CASQ2: variants seen among roughly 807,000 people sequenced by gnomAD.
CASQ2 encodes calsequestrin-2.
In CASQ2, 49 loss-of-function variants were observed where a neutral mutation model predicts 46.5. The observed-to-expected ratio is 1.05, with a 90% CI of 0.84 to 1.34. CASQ2 has a LOEUF of 1.34. Among genes scored for constraint, CASQ2 ranks in the 40% most tolerant of loss-of-function variants. The pLI, the probability that CASQ2 is intolerant of heterozygous loss-of-function variation, is 0.00. For synonymous variants in CASQ2, 174 were observed against 168.5 expected, an observed-to-expected ratio of 1.03 and a Z score of -0.25; for missense variants, 486 against 481.3, an observed-to-expected ratio of 1.01 and a Z score of -0.09.
In CASQ2 at chr1:115,701,088, C is replaced by G. The variant is rs1257824366; in HGVS notation, c.*153G>C. On this transcript the variant is annotated 3_prime_UTR_variant, in exon 11 of 11. Transcript: ENST00000261448. ...TTGAAAAGGCATTTGCTGAATGATG[C>G]TGCTCCTGACGCAAAGGGAGTGGGA... 9 of 1,156,026 alleles carry G rather than the reference C, an allele frequency of 7.8e-6. No individual in the cohort carries two copies. In the African/African-American group the frequency reaches 1.4e-4, roughly 17 times the overall value. The allele number at this position is 1,156,026 out of a possible 1,614,324, so 71.6% of individuals were successfully genotyped here.
At chr1:115,764,433 T>C (rs1355310246) in intron 1 of CASQ2, among the ~76,000 whole-genome samples, 3 of 152,208 alleles carry the variant, frequency 2.0e-5, no homozygotes, top group Non-Finnish European at 4.4e-5. Context: ...TACCAGAACA[T>C]TATCCATGTT....
At chr1:115,728,487 G>A (rs1647671649) in intron 5 of CASQ2, among the ~76,000 whole-genome samples, 1 of 152,158 alleles carries the variant, frequency 6.6e-6, no homozygotes, top group South Asian at 2.1e-4. Flanking sequence ...TGTAGATGAT[G>A]AGGTGATGAG....
intron 5 of CASQ2, among the ~76,000 whole-genome samples, chr1:115,731,186 C>T (rs1320162771): frequency 6.6e-6 from 1 of 152,234 alleles, no homozygotes; most frequent in Non-Finnish European, 1.5e-5. Flanking sequence ...AAGCATCTCT[C>T]TGAATTTTTA....
rs949456037 is a variant in CASQ2, at chr1:115,727,132, T to C, written c.607-10A>G. On this transcript the variant is annotated splice_polypyrimidine_tract_variant and intron_variant, in intron 5 of 10. Coordinates refer to ENST00000261448, the MANE Select transcript of CASQ2 (RefSeq NM_001232.4). ...ATAATTTCTTTGCAACCTGTAACCA[T>C]TAGAAATAAGACAAAGTTTATTTGA... 1 of 1,605,120 alleles carries C rather than the reference T, an allele frequency of 6.2e-7. No individual in the cohort carries two copies. Among genetic ancestry groups the C allele is most frequent in the Non-Finnish European group, 8.5e-7 (1 of 1,172,150 alleles).
chr1:115,766,777 T>G (rs1410516631), intron 1 of CASQ2, among the ~76,000 whole-genome samples: 1 of 151,866 alleles, frequency 6.6e-6, no homozygotes, highest in Admixed American at 6.6e-5. Flanking sequence ...GGATCAAAGG[T>G]GTCTGGAGGG....
At chr1:115,703,922 A>C (rs35939222) in intron 9 of CASQ2, among the ~76,000 whole-genome samples, 29,231 of 151,272 alleles carry the variant, frequency 0.19, 2,820 homozygotes, top group South Asian at 0.26. Flanking sequence ...AAAAAAAAAA[A>C]ACAAAAAAAA....
At chr1:115,737,837 A>G (rs189643234) in intron 4 of CASQ2, among the ~76,000 whole-genome samples, 145 of 152,274 alleles carry the variant, frequency 9.5e-4, no homozygotes, top group African/African-American at 3.4e-3. Flanking sequence ...ATGCTTTCCA[A>G]TTGACTGCAA....
chr1:115,725,359 A>T, intron 7 of CASQ2, 149 bp downstream of exon 7: 2 of 926,434 alleles, frequency 2.2e-6, no homozygotes, highest in Non-Finnish European at 1.8e-6. Flanking sequence ...GAGCCGTCGT[A>T]CCCAATCTGT....
chr1:115,725,433 A>T, intron 7 of CASQ2, 75 bp downstream of exon 7: 2 of 1,544,616 alleles, frequency 1.3e-6, no homozygotes, highest in Non-Finnish European at 8.9e-7. Context: ...GAGTTTGGGG[A>T]CTTAATCTAA....
chr1:115,708,769 C>T (rs1250764076), intron 8 of CASQ2, among the ~76,000 whole-genome samples: 1 of 152,254 alleles, frequency 6.6e-6, no homozygotes, highest in East Asian at 1.9e-4. Flanking sequence ...TCATTTACCA[C>T]ATCGGTATTA....
In CASQ2 at chr1:115,744,857, T is replaced by C; in HGVS notation, c.290A>G (p.Lys97Arg). 6.2e-7 allele frequency: 1 copy of C among 1,614,006 alleles called. No individual in the cohort carries two copies. The highest frequency in any genetic ancestry group is 8.5e-7 in the Non-Finnish European group (1 of 1,179,908). Residue 97 changes from lysine to arginine, a missense_variant, in exon 2 of 11, where the codon AAG becomes AGG. Transcript: ENST00000261448. Reference protein sequence around the residue: ...KAIGFVMVDAKKEAKLAKKLG... With the variant: ...KAIGFVMVDARKEAKLAKKLG... The stretch of plus-strand genomic sequence containing the variant: ...TTTCTTGGCAAGCTTGGCTTCTTTC[T>C]TGGCATCCACCATCACAAAGCCTAT...
At chr1:115,745,050 C>G (rs1021315527) in intron 1 of CASQ2, 138 bp from the exon 2 acceptor site, 3 of 710,970 alleles carry the variant, frequency 4.2e-6, no homozygotes, top group Non-Finnish European at 7.7e-6. Flanking sequence ...TGAGCAGCAG[C>G]AAAGGAAATG....
At chr1:115,753,533 G>C (rs1032367555) in intron 1 of CASQ2, among the ~76,000 whole-genome samples, 1 of 152,192 alleles carries the variant, frequency 6.6e-6, no homozygotes, top group African/African-American at 2.4e-5. Context: ...TGCTGGGTGG[G>C]TGGCAAAGAC....
chr1:115,762,132 G>C (rs576412966), intron 1 of CASQ2, among the ~76,000 whole-genome samples: 1 of 152,272 alleles, frequency 6.6e-6, no homozygotes, highest in South Asian at 2.1e-4. Context: ...TACAGGACTG[G>C]CAGGTAGACC....
chr1:115,749,609 C>T (rs1648507487), intron 1 of CASQ2, among the ~76,000 whole-genome samples: 1 of 152,198 alleles, frequency 6.6e-6, no homozygotes, highest in Non-Finnish European at 1.5e-5. Context: ...CCAAAACTTG[C>T]CCACTTGAGT....
At position 115,705,191 on chromosome 1, in the gene CASQ2, C is replaced by G. The variant is rs905985075; in HGVS notation, c.939+1G>C. Reference sequence around the variant, plus strand: ...GTGGGGCGCTGGCTGGAGCCACTCACCAGAGGAAAGTCGTCCGGGTCGATC... The same window carrying G: ...GTGGGGCGCTGGCTGGAGCCACTCAGCAGAGGAAAGTCGTCCGGGTCGATC... On this transcript the variant is annotated splice_donor_variant, in intron 9 of 10. Transcript: ENST00000261448. LOFTEE classifies it high-confidence loss of function. 6 of 1,601,896 alleles carry G rather than the reference C, an allele frequency of 3.7e-6. No homozygotes were observed. The highest frequency in any genetic ancestry group is 4.3e-6 in the Non-Finnish European group (5 of 1,168,766).
Position 115,715,150 on chromosome 1 carries a change from G to A in CASQ2, c.838+2690C>T, listed in dbSNP as rs542426229. The stretch of plus-strand genomic sequence containing the variant: ...TCTGTTCACATAACACCAGGGATCC[G>A]ATTCTGTTTGATTATAGCTTGTAAA... On this transcript the variant is annotated intron_variant, in intron 8 of 10. Coordinates refer to ENST00000261448, the MANE Select transcript of CASQ2 (RefSeq NM_001232.4). Among the ~76,000 whole-genome samples the A allele has an allele frequency of 3.3e-4, 51 of 152,296 alleles. 1 individual carries two copies. Among genetic ancestry groups the A allele is most frequent in the East Asian group, 7.7e-4 (4 of 5,178 alleles).
chr1:115,722,262 G>A (rs1344276579), intron 7 of CASQ2, among the ~76,000 whole-genome samples: 3 of 152,118 alleles, frequency 2.0e-5, no homozygotes, highest in Non-Finnish European at 2.9e-5. Flanking sequence ...TCTTCCCCAA[G>A]TTAAGAACAA....
chr1:115,739,640 C>T (rs1648113601), intron 3 of CASQ2, among the ~76,000 whole-genome samples: 1 of 152,166 alleles, frequency 6.6e-6, no homozygotes, highest in African/African-American at 2.4e-5. Context: ...GTATTTGTTC[C>T]TACTGCTGGC....
Sources: gnomAD v4.1 joint callset for allele counts (sites outside exome capture counted in the v4.1 genomes callset) on GRCh38, gnomAD v4.1.1 for gene constraint, MANE v1.5 for transcripts, NCBI Gene and HGNC (gene_info 2026-07-23, HGNC 2026-07-21) for gene names.